KHDRBS2: variants seen among roughly 807,000 people sequenced by gnomAD.
The protein encoded by KHDRBS2 is KH domain-containing, RNA-binding, signal transduction-associated protein 2.
A neutral mutation model predicts 44.3 loss-of-function variants in KHDRBS2; 26 were observed. That is an observed-to-expected ratio of 0.59 (90% confidence interval 0.43 to 0.81). The LOEUF (loss-of-function observed/expected upper bound fraction) is 0.81, where lower values mean the gene tolerates loss of function less well. KHDRBS2 is among the 40% of genes least tolerant of loss of function. The pLI is 0.00. For synonymous variants in KHDRBS2, 194 were observed against 151.1 expected (o/e 1.28, Z -2.08); for missense variants, 476 against 433.1 (o/e 1.10, Z -0.88).
At chr6:62,078,167 T>A (rs1392307935) in intron 2 of KHDRBS2, among the ~76,000 whole-genome samples, 1 of 152,082 alleles carries the variant, frequency 6.6e-6, no homozygotes, top group Non-Finnish European at 1.5e-5. Flanking sequence ...CACCCTGACA[T>A]AATTTATCAA....
chr6:61,969,946 A>T (rs892504618), intron 4 of KHDRBS2, among the ~76,000 whole-genome samples: 2 of 152,022 alleles, frequency 1.3e-5, no homozygotes, highest in Non-Finnish European at 1.5e-5. Context: ...TAAGAGAGCA[A>T]CTAAAGTTTC....
chr6:61,734,873 A>G (rs539375559), intron 6 of KHDRBS2, among the ~76,000 whole-genome samples: 1 of 152,298 alleles, frequency 6.6e-6, no homozygotes, highest in East Asian at 1.9e-4. Flanking sequence ...TGTAACATGG[A>G]GACTATCACC....
At chr6:62,069,123 T>C (rs1794414931) in intron 2 of KHDRBS2, among the ~76,000 whole-genome samples, 1 of 151,768 alleles carries the variant, frequency 6.6e-6, no homozygotes, top group Non-Finnish European at 1.5e-5. Flanking sequence ...TGACCTCTTG[T>C]GTAGTTAAAA....
At chr6:62,130,532 T>C (rs574037633) in intron 2 of KHDRBS2, among the ~76,000 whole-genome samples, 7 of 151,910 alleles carry the variant, frequency 4.6e-5, no homozygotes, top group Non-Finnish European at 1.0e-4. Context: ...TGAGCAATGG[T>C]ATTTATAAAG....
chr6:61,941,749 A>G (rs1812169953), intron 4 of KHDRBS2, among the ~76,000 whole-genome samples: 1 of 152,186 alleles, frequency 6.6e-6, no homozygotes, highest in Admixed American at 6.5e-5. Flanking sequence ...CCGTAGATAC[A>G]TCTTTAGGAA....
At chr6:61,736,212 T>TCTCACACACACACA (rs1554184355) in intron 6 of KHDRBS2, among the ~76,000 whole-genome samples, 1 of 135,562 alleles carries the variant, frequency 7.4e-6, no homozygotes, top group Non-Finnish European at 1.6e-5. Context: ...TTACTTTACT[T>TCTCACACACACACA]CACACACACA....
chr6:62,116,090 C>T lies in KHDRBS2; in HGVS notation c.219+61095G>A, dbSNP rs184122490. On this transcript the variant is annotated intron_variant, in intron 2 of 8. Transcript: ENST00000281156. ...AGGAAAAGAAAAAATAAGCACTGTG[C>T]TTATAATTAATTGTAAATTGACAAA... 7.9e-5 allele frequency among the ~76,000 whole-genome samples: 12 copies of T among 152,022 alleles called. No homozygotes were observed. The East Asian group carries it at 2.3e-3, about 29-fold the overall frequency.
intron 6 of KHDRBS2, among the ~76,000 whole-genome samples, chr6:61,733,442 A>G (rs1289412993): frequency 1.3e-5 from 2 of 151,906 alleles, no homozygotes; most frequent in Non-Finnish European, 2.9e-5. Flanking sequence ...AAATACAAAA[A>G]AATTTAGCCA....
the KHDRBS2 span, among the ~76,000 whole-genome samples, chr6:61,592,600 A>C: frequency 6.6e-6 from 1 of 152,228 alleles, no homozygotes; most frequent in African/African-American, 2.4e-5. Context: ...GCAGCTTTTC[A>C]AGGCTATTCC....
At chr6:61,787,801 T>G (rs1784037625) in intron 6 of KHDRBS2, among the ~76,000 whole-genome samples, 1 of 151,702 alleles carries the variant, frequency 6.6e-6, no homozygotes, top group Admixed American at 6.6e-5. Flanking sequence ...TAATGTTACT[T>G]TTATAGATGA....
At chr6:61,565,135 A>G in the KHDRBS2 span, among the ~76,000 whole-genome samples, 4 of 152,156 alleles carry the variant, frequency 2.6e-5, no homozygotes, top group African/African-American at 9.6e-5. Flanking sequence ...ATGAAACTAG[A>G]CCCCTATGTC....
chr6:61,606,347 A>T, the KHDRBS2 span, among the ~76,000 whole-genome samples: 7 of 152,250 alleles, frequency 4.6e-5, no homozygotes, highest in Non-Finnish European at 8.8e-5. Flanking sequence ...AGAAGAGCAG[A>T]GTGGGTTTGG....
chr6:61,841,939 C>T (rs1403731730), intron 6 of KHDRBS2, among the ~76,000 whole-genome samples: 1 of 152,070 alleles, frequency 6.6e-6, no homozygotes, highest in Admixed American at 6.6e-5. Context: ...AGCTAATTTG[C>T]TGATTTATGG....
At chr6:61,553,279 T>C in the KHDRBS2 span, among the ~76,000 whole-genome samples, 1 of 152,162 alleles carries the variant, frequency 6.6e-6, no homozygotes, top group African/African-American at 2.4e-5. Flanking sequence ...CATTTTTTCA[T>C]TTGTGTGTAT....
At chr6:61,947,848 G>C (rs1813676370) in intron 4 of KHDRBS2, among the ~76,000 whole-genome samples, 1 of 150,970 alleles carries the variant, frequency 6.6e-6, no homozygotes, top group Non-Finnish European at 1.5e-5. Context: ...ATGGAAGTTA[G>C]GCACCTCCTT....
At chr6:61,587,404 G>A in the KHDRBS2 span, among the ~76,000 whole-genome samples, 1 of 151,970 alleles carries the variant, frequency 6.6e-6, no homozygotes, top group Non-Finnish European at 1.5e-5. Context: ...TCTGGGGGCA[G>A]AACCTACTGT....
At chr6:61,752,277 G>T (rs1348593531) in intron 6 of KHDRBS2, among the ~76,000 whole-genome samples, 1 of 152,080 alleles carries the variant, frequency 6.6e-6, no homozygotes, top group African/African-American at 2.4e-5. Flanking sequence ...CATCTGGACT[G>T]TTCTGCAAGA....
chr6:61,676,648 C>T (rs551610123), downstream of KHDRBS2, among the ~76,000 whole-genome samples: 10 of 151,870 alleles, frequency 6.6e-5, 1 homozygote, highest in Admixed American at 2.6e-4. Flanking sequence ...CTTGCTAGTG[C>T]AGTGAAACAT....
intron 1 of KHDRBS2, among the ~76,000 whole-genome samples, chr6:62,209,303 A>C (rs1339145778): frequency 6.6e-6 from 1 of 152,196 alleles, no homozygotes; most frequent in Non-Finnish European, 1.5e-5. Flanking sequence ...AACAAAGTCA[A>C]AAGAGAAAAA....
Sources: gnomAD v4.1 joint callset for allele counts (sites outside exome capture counted in the v4.1 genomes callset) on GRCh38, gnomAD v4.1.1 for gene constraint, MANE v1.5 for transcripts, NCBI Gene and HGNC (gene_info 2026-07-23, HGNC 2026-07-21) for gene names.